The following BORCS5 variants were observed in gnomAD, a reference collection of about 807,000 sequenced individuals.
The protein encoded by BORCS5 is BLOC-1 related complex subunit 5.
BORCS5 carries 17 observed loss-of-function variants against 22.1 expected under a neutral mutation model. The observed-to-expected ratio is 0.77, with a 90% CI of 0.53 to 1.15. BORCS5 has a LOEUF of 1.15. Ranked by LOEUF, BORCS5 falls within the 50% of genes most tolerant of loss-of-function variation. The probability of loss-of-function intolerance (pLI) is 0.00; values close to 1 mark genes in which losing one functional copy is unlikely to be tolerated. For synonymous variants in BORCS5, 117 were observed against 99.8 expected, an observed-to-expected ratio of 1.17 and a Z score of -1.03; for missense variants, 247 against 253.2, an observed-to-expected ratio of 0.98 and a Z score of 0.17.
intron 2 of BORCS5, among the ~76,000 whole-genome samples, chr12:12,393,008 C>T (rs562556901): frequency 6.6e-5 from 10 of 151,958 alleles, no homozygotes; most frequent in Non-Finnish European, 1.3e-4. Flanking sequence ...CTGAGGTGGG[C>T]GGACTGCTTG....
intron 3 of BORCS5, among the ~76,000 whole-genome samples, chr12:12,449,335 C>T (rs1420785207): frequency 1.3e-5 from 2 of 152,202 alleles, no homozygotes; most frequent in Non-Finnish European, 1.5e-5. Context: ...AAAGCTCTCC[C>T]AAGGAACGGG....
chr12:12,378,066 A>T (rs1357755702), intron 2 of BORCS5, among the ~76,000 whole-genome samples: 1 of 152,184 alleles, frequency 6.6e-6, no homozygotes, highest in Non-Finnish European at 1.5e-5. Context: ...ATTTTAAAAT[A>T]CTTCTGTTTT....
chr12:12,471,195 C>T lies in BORCS5; in HGVS notation c.*5419C>T, dbSNP rs1175680203. ...TTTTTACATAAGTGCATATTGCTGT[C>T]TCTGCAAATAAAGTACAACAATATG... is the stretch of plus-strand genomic sequence containing the variant. On this transcript the variant is annotated 3_prime_UTR_variant, in exon 4 of 4. Coordinates refer to ENST00000314565, the MANE Select transcript of BORCS5 (RefSeq NM_058169.6). Among the ~76,000 whole-genome samples, 1 of 152,154 alleles carries T rather than the reference C, an allele frequency of 6.6e-6. No individual in the cohort carries two copies. Among genetic ancestry groups the T allele is most frequent in the Non-Finnish European group, 1.5e-5 (1 of 68,038 alleles).
At chr12:12,397,916 T>A (rs1941388492) in intron 2 of BORCS5, among the ~76,000 whole-genome samples, 1 of 152,178 alleles carries the variant, frequency 6.6e-6, no homozygotes, top group Non-Finnish European at 1.5e-5. Context: ...TTCCTTACTA[T>A]CATATAGCTG....
intron 3 of BORCS5, among the ~76,000 whole-genome samples, chr12:12,445,366 T>C (rs1942763117): frequency 6.6e-6 from 1 of 152,000 alleles, no homozygotes. Flanking sequence ...AATAAATGAT[T>C]AGACAGAAGG....
At chr12:12,464,851 A>C (rs1943170573) in intron 3 of BORCS5, among the ~76,000 whole-genome samples, 2 of 151,998 alleles carry the variant, frequency 1.3e-5, no homozygotes, top group South Asian at 4.1e-4. Flanking sequence ...CCTTGGTTGC[A>C]TTTTTGGCCC....
rs1196557501 is a variant in BORCS5, at chr12:12,466,529, G to A, written c.*753G>A. Reference sequence around the variant, plus strand: ...TTTGATGTGTCCAATATTGTGCCAGGGATACAAATATGGCCGTATAGCCTC... The same window carrying A: ...TTTGATGTGTCCAATATTGTGCCAGAGATACAAATATGGCCGTATAGCCTC... On this transcript the variant is annotated 3_prime_UTR_variant, in exon 4 of 4. Coordinates refer to ENST00000314565, the MANE Select transcript of BORCS5 (RefSeq NM_058169.6). The A allele has an allele frequency of 6.6e-6, 1 of 152,076 alleles. No individual in the cohort carries two copies. Among genetic ancestry groups the A allele is most frequent in the Non-Finnish European group, 1.5e-5 (1 of 68,024 alleles). The allele number at this position is 152,076 out of a possible 1,614,324, so 9.4% of individuals were successfully genotyped here.
intron 3 of BORCS5, among the ~76,000 whole-genome samples, chr12:12,448,691 G>C (rs572655137): frequency 6.6e-6 from 1 of 151,966 alleles, no homozygotes; most frequent in African/African-American, 2.4e-5. Flanking sequence ...ATCATGCCTG[G>C]CTAATTTTTG....
chr12:12,470,861 A>T lies in BORCS5; in HGVS notation c.*5085A>T, dbSNP rs546394349. Among the ~76,000 whole-genome samples, 13 of 151,872 alleles carry T rather than the reference A, an allele frequency of 8.6e-5. No homozygotes were observed. Among genetic ancestry groups the T allele is most frequent in the Admixed American group, 3.3e-4 (5 of 15,256 alleles). Reference sequence around the variant, plus strand: ...GTGTGTGCGTGTCCATGCCTCCGGGATTTTTCCAGGGTTATCAATGTCAGT... The same window carrying T: ...GTGTGTGCGTGTCCATGCCTCCGGGTTTTTTCCAGGGTTATCAATGTCAGT... On this transcript the variant is annotated 3_prime_UTR_variant, in exon 4 of 4. Coordinates refer to ENST00000314565, the MANE Select transcript of BORCS5 (RefSeq NM_058169.6).
At chr12:12,408,782 G>T (rs550233458) in intron 2 of BORCS5, among the ~76,000 whole-genome samples, 268 of 152,224 alleles carry the variant, frequency 1.8e-3, no homozygotes, top group Non-Finnish European at 2.6e-3. Flanking sequence ...ATATTATTCA[G>T]TCTTAAAAGG....
chr12:12,375,935 G>A (rs934165377), intron 2 of BORCS5, among the ~76,000 whole-genome samples: 9 of 151,940 alleles, frequency 5.9e-5, no homozygotes, highest in Admixed American at 4.6e-4. Flanking sequence ...CTCCCGAGTA[G>A]CTGGGATTCT....
In BORCS5 at chr12:12,467,462, A is replaced by C. The variant is rs1943221832; in HGVS notation, c.*1686A>C. ...ATGGCAGACCTAGTGCAGCACAAACAAACCACGCAGTCAGCCAGCTCTCCA... is the reference window on the plus strand; with the variant it reads ...ATGGCAGACCTAGTGCAGCACAAACCAACCACGCAGTCAGCCAGCTCTCCA... On this transcript the variant is annotated 3_prime_UTR_variant, in exon 4 of 4. Transcript: ENST00000314565. The C allele has an allele frequency of 6.6e-6, 1 of 152,266 alleles. No homozygotes were observed. The highest frequency in any genetic ancestry group is 1.5e-5 in the Non-Finnish European group (1 of 68,070). 9.4% of individuals were successfully genotyped at this position (152,266 alleles called of 1,614,324 possible).
At chr12:12,372,431 A>G (rs1863552083) in intron 2 of BORCS5, among the ~76,000 whole-genome samples, 1 of 151,982 alleles carries the variant, frequency 6.6e-6, no homozygotes, top group Non-Finnish European at 1.5e-5. Context: ...TGCAGCCTCA[A>G]CCCCCCTGGG....
chr12:12,390,247 C>G (rs1435837295), intron 2 of BORCS5, among the ~76,000 whole-genome samples: 1 of 152,114 alleles, frequency 6.6e-6, no homozygotes, highest in Non-Finnish European at 1.5e-5. Flanking sequence ...TACACAATCT[C>G]TGCTTTCAAA....
intron 2 of BORCS5, among the ~76,000 whole-genome samples, chr12:12,367,274 A>G (rs1863425625): frequency 6.6e-6 from 1 of 152,206 alleles, no homozygotes; most frequent in African/African-American, 2.4e-5. Flanking sequence ...TGGACAAATA[A>G]AAGTCTTTGC....
At chr12:12,451,359 A>G (rs748077325) in intron 3 of BORCS5, among the ~76,000 whole-genome samples, 2 of 152,216 alleles carry the variant, frequency 1.3e-5, no homozygotes, top group Non-Finnish European at 1.5e-5. Context: ...TTCTTTAACA[A>G]TTGTGTGACA....
At chr12:12,455,815 A>G (rs1253826997) in intron 3 of BORCS5, among the ~76,000 whole-genome samples, 1 of 150,976 alleles carries the variant, frequency 6.6e-6, no homozygotes, top group Non-Finnish European at 1.5e-5. Context: ...TTAAGTCCAT[A>G]TGCAGTCTTT....
intron 2 of BORCS5, among the ~76,000 whole-genome samples, chr12:12,393,407 T>C (rs1319779714): frequency 6.6e-6 from 1 of 151,998 alleles, no homozygotes; most frequent in African/African-American, 2.4e-5. Flanking sequence ...GAACTTGAGA[T>C]CAAAAAAGCC....
Position 12,468,382 on chromosome 12 carries a change from C to T in BORCS5, c.*2606C>T, listed in dbSNP as rs985253447. ...CTCTTTGTTGGTTAATACCCCATGA[C>T]CTATCTGGCCGTTATGGGATATTTC... On this transcript the variant is annotated 3_prime_UTR_variant, in exon 4 of 4. Transcript: ENST00000314565. The T allele has an allele frequency of 6.6e-6, 1 of 152,180 alleles. No individual in the cohort carries two copies. Among genetic ancestry groups the T allele is most frequent in the African/African-American group, 2.4e-5 (1 of 41,426 alleles). 9.4% of individuals were successfully genotyped at this position (152,180 alleles called of 1,614,324 possible). A position where few individuals can be genotyped will look rare whatever the true frequency, so the allele number is the denominator to read the frequency against.
Sources: gnomAD v4.1 joint callset for allele counts (sites outside exome capture counted in the v4.1 genomes callset) on GRCh38, gnomAD v4.1.1 for gene constraint, MANE v1.5 for transcripts, NCBI Gene and HGNC (gene_info 2026-07-23, HGNC 2026-07-21) for gene names.